STARD13: variants seen among roughly 807,000 people sequenced by gnomAD.
The protein encoded by STARD13 is StAR related lipid transfer domain containing 13, also known as stAR-related lipid transfer protein 13.
Under a neutral mutation model 106.4 loss-of-function variants are expected in STARD13, and 62 were observed. The ratio of observed to expected loss-of-function variants is 0.58; its 90% CI spans 0.48 to 0.72. The LOEUF (loss-of-function observed/expected upper bound fraction) is 0.72, where lower values mean the gene tolerates loss of function less well. Ranked by LOEUF, STARD13 falls within the 30% of genes least tolerant of loss-of-function variation. The pLI is 0.00. For missense variants in STARD13, 1,387 were observed against 1,424.0 expected, an observed-to-expected ratio of 0.97 and a Z score of 0.42; for synonymous variants, 565 against 553.0, an observed-to-expected ratio of 1.02 and a Z score of -0.31.
intron 1 of STARD13, among the ~76,000 whole-genome samples, chr13:33,216,568 G>T (rs1888055447): frequency 6.6e-6 from 1 of 152,156 alleles, no homozygotes; most frequent in Admixed American, 6.6e-5. Flanking sequence ...CTGGGGGAAA[G>T]GGTGGGAAGG....
the STARD13 span, among the ~76,000 whole-genome samples, chr13:33,627,328 C>T: frequency 6.6e-6 from 1 of 152,120 alleles, no homozygotes; most frequent in Non-Finnish European, 1.5e-5. Context: ...ATAGGTACAT[C>T]TATGCTATAA....
intron 1 of STARD13, among the ~76,000 whole-genome samples, chr13:33,341,951 C>T (rs1430012571): frequency 1.3e-5 from 2 of 152,006 alleles, no homozygotes; most frequent in East Asian, 1.9e-4. Context: ...CCACCATACC[C>T]GGCTAATTTT....
chr13:33,138,983 C>T (rs1879452724), intron 4 of STARD13: 1 of 355,346 alleles, frequency 2.8e-6, no homozygotes, highest in East Asian at 8.9e-5. Context: ...ATGAAAAAGC[C>T]TTCATCACCA....
chr13:33,494,096 G>A, the STARD13 span, among the ~76,000 whole-genome samples: 137 of 152,266 alleles, frequency 9.0e-4, no homozygotes, highest in South Asian at 1.9e-3. Flanking sequence ...GACAGAAAGC[G>A]CTCCAATTCT....
chr13:33,415,638 A>C, the STARD13 span, among the ~76,000 whole-genome samples: 1 of 152,008 alleles, frequency 6.6e-6, no homozygotes, highest in Non-Finnish European at 1.5e-5. Context: ...CTTTTGCTGC[A>C]GCGCTCCGCA....
Position 33,219,373 on chromosome 13 carries a change from C to G in STARD13, c.170-51751G>C, listed in dbSNP as rs573782778. On this transcript the variant is annotated intron_variant, in intron 1 of 13. Transcript: ENST00000336934. ...CCAGCTGACTCTCATCCTGCTCCCC[C>G]ATGCAGGGCTGGTTACATGATTTGT... is the stretch of plus-strand genomic sequence containing the variant. Among the ~76,000 whole-genome samples the G allele has an allele frequency of 2.4e-4, 36 of 152,028 alleles. No individual in the cohort carries two copies. In the South Asian group the frequency reaches 7.5e-3, roughly 32 times the overall value.
the STARD13 span, among the ~76,000 whole-genome samples, chr13:33,672,352 C>T: frequency 6.6e-6 from 1 of 152,074 alleles, no homozygotes; most frequent in East Asian, 1.9e-4. Flanking sequence ...ACATCACACA[C>T]TGGGGCCTGT....
the STARD13 span, among the ~76,000 whole-genome samples, chr13:33,502,297 G>A: frequency 6.6e-6 from 1 of 152,176 alleles, no homozygotes; most frequent in Admixed American, 6.5e-5. Flanking sequence ...GAGACGATGG[G>A]GTTTTCTAAA....
chr13:33,357,750 T>C, the STARD13 span, among the ~76,000 whole-genome samples: 2 of 152,136 alleles, frequency 1.3e-5, no homozygotes, highest in Non-Finnish European at 2.9e-5. Context: ...GGCCAACATA[T>C]GAAACCCCAT....
the STARD13 span, among the ~76,000 whole-genome samples, chr13:33,459,667 G>T: frequency 6.6e-6 from 1 of 152,190 alleles, no homozygotes; most frequent in Admixed American, 6.5e-5. Flanking sequence ...CTGCCAAGCT[G>T]TGCAGATTCG....
the STARD13 span, among the ~76,000 whole-genome samples, chr13:33,609,654 C>T: frequency 6.6e-6 from 1 of 151,688 alleles, no homozygotes; most frequent in Non-Finnish European, 1.5e-5. Context: ...GCAAGCTCCA[C>T]CTCCCGGGTT....
chr13:33,353,819 A>T (rs2078101890), upstream of STARD13, among the ~76,000 whole-genome samples: 1 of 119,404 alleles, frequency 8.4e-6, no homozygotes, highest in South Asian at 4.0e-4. Context: ...CCACTTCCAG[A>T]CATTGTGTTT....
At chr13:33,563,615 T>C in the STARD13 span, among the ~76,000 whole-genome samples, 476 of 147,546 alleles carry the variant, frequency 3.2e-3, 56 homozygotes, top group African/African-American at 0.012. Flanking sequence ...CCTGATGCTA[T>C]GAAACTCCTG....
intron 3 of STARD13, among the ~76,000 whole-genome samples, chr13:33,143,390 T>C (rs896203780): frequency 6.6e-6 from 1 of 151,008 alleles, no homozygotes; most frequent in Non-Finnish European, 1.5e-5. Flanking sequence ...TATGTATTTT[T>C]TGAGTGACTG....
chr13:33,118,108 A>G lies in STARD13; in HGVS notation c.2238T>C (p.Leu746=). The change falls in exon 8 of 14, where the codon CTT becomes CTC. Residue 746 remains leucine (L), a synonymous_variant. Coordinates refer to ENST00000336934, the MANE Select transcript of STARD13 (RefSeq NM_178006.4). The stretch of plus-strand genomic sequence containing the variant: ...AGGTCTCACTGAGCTTGTTGGTGAA[A>G]AGAGGCTCAGGGAGGTCCCGGAAGA... ...KQFFRDLPEP[L]FTNKLSETFL... is the part of the protein sequence containing the mutation. 6.2e-7 allele frequency: 1 copy of G among 1,614,216 alleles called. No individual in the cohort carries two copies. Among genetic ancestry groups the G allele is most frequent in the Non-Finnish European group, 8.5e-7 (1 of 1,180,042 alleles).
At chr13:33,475,236 T>C in the STARD13 span, among the ~76,000 whole-genome samples, 1 of 152,152 alleles carries the variant, frequency 6.6e-6, no homozygotes. Context: ...CCAAAGAATA[T>C]CAGTTTATTC....
the STARD13 span, among the ~76,000 whole-genome samples, chr13:33,612,184 T>C: frequency 6.6e-6 from 1 of 152,194 alleles, no homozygotes; most frequent in African/African-American, 2.4e-5. Flanking sequence ...TTTTCCACTA[T>C]AGACAGCCCT....
the STARD13 span, among the ~76,000 whole-genome samples, chr13:33,387,831 C>G: frequency 1.3e-5 from 2 of 152,202 alleles, no homozygotes; most frequent in Admixed American, 6.5e-5. Context: ...GTCCAGATGT[C>G]CTTCATGGAC....
At chr13:33,109,312 T>A (rs1874186686) in intron 12 of STARD13, among the ~76,000 whole-genome samples, 1 of 152,156 alleles carries the variant, frequency 6.6e-6, no homozygotes, top group South Asian at 2.1e-4. Flanking sequence ...GGTCTGGAAC[T>A]CAACCCTTAC....
Sources: allele counts gnomAD v4.1 joint callset (sites outside exome capture counted in the v4.1 genomes callset), GRCh38; gene constraint gnomAD v4.1.1; transcripts MANE v1.5; gene names NCBI Gene and HGNC (gene_info 2026-07-23, HGNC 2026-07-21).